Variants in BICC1 observed in about 807,000 individuals in gnomAD.
BICC1 encodes protein bicaudal C homolog 1.
A neutral mutation model predicts 111.0 loss-of-function variants in BICC1; 43 were observed. The observed-to-expected ratio is 0.39, with a 90% confidence interval of 0.30 to 0.50. BICC1 has a LOEUF of 0.50. Among genes scored for constraint, BICC1 ranks in the 20% least tolerant of loss-of-function variants. The pLI is 0.88. For synonymous variants in BICC1, 467 were observed against 434.4 expected, an observed-to-expected ratio of 1.07 and a Z score of -0.93; for missense variants, 1,091 against 1,203.2, an observed-to-expected ratio of 0.91 and a Z score of 1.38.
chr10:58,645,229 G>T (rs2132227910), intron 2 of BICC1, among the ~76,000 whole-genome samples: 1 of 152,126 alleles, frequency 6.6e-6, no homozygotes, highest in African/African-American at 2.4e-5. Context: ...CTAACTCGGT[G>T]AAACTTTGTC....
intron 18 of BICC1, 123 bp from the exon 19 acceptor site, chr10:58,817,439 A>T: frequency 9.6e-7 from 1 of 1,037,170 alleles, no homozygotes; most frequent in Non-Finnish European, 1.5e-6. Flanking sequence ...CTGTATTTCT[A>T]CAGCTACTGC....
chr10:58,661,211 ATTTTTT>A (rs61079735), intron 2 of BICC1, among the ~76,000 whole-genome samples: 1 of 124,938 alleles, frequency 8.0e-6, no homozygotes. Flanking sequence ...TCGAGCTTGA[ATTTTTT>A]TTTTTTTTTT....
chr10:58,762,056 C>A (rs1056627785), intron 3 of BICC1, among the ~76,000 whole-genome samples: 1 of 152,050 alleles, frequency 6.6e-6, no homozygotes. Context: ...GCACCGCCCT[C>A]GCTCTCAGTG....
At chr10:58,541,590 G>T (rs1284630105) in intron 1 of BICC1, among the ~76,000 whole-genome samples, 3 of 152,008 alleles carry the variant, frequency 2.0e-5, no homozygotes, top group African/African-American at 7.3e-5. Flanking sequence ...TGTGTTCATG[G>T]TTTGGAATCC....
intron 17 of BICC1, among the ~76,000 whole-genome samples, chr10:58,808,283 A>G (rs530944450): frequency 1.8e-4 from 28 of 152,272 alleles, no homozygotes; most frequent in African/African-American, 6.7e-4. Flanking sequence ...TTCTTCCATT[A>G]TAACACAGAG....
chr10:58,536,783 A>G (rs1842836001), intron 1 of BICC1, among the ~76,000 whole-genome samples: 1 of 151,874 alleles, frequency 6.6e-6, no homozygotes, highest in East Asian at 1.9e-4. Context: ...GGAAAGATAA[A>G]CAAAACTGAT....
chr10:58,539,484 A>G (rs1229017634), intron 1 of BICC1, among the ~76,000 whole-genome samples: 1 of 151,668 alleles, frequency 6.6e-6, no homozygotes, highest in African/African-American at 2.4e-5. Flanking sequence ...TCTCCATGGT[A>G]CCGTTCATCC....
intron 2 of BICC1, among the ~76,000 whole-genome samples, chr10:58,623,782 G>A (rs757999446): frequency 1.3e-4 from 20 of 152,228 alleles, no homozygotes; most frequent in Admixed American, 7.8e-4. Context: ...GCACGCCATG[G>A]TTGTAACGCC....
At chr10:58,576,466 C>T (rs533225162) in intron 1 of BICC1, among the ~76,000 whole-genome samples, 4 of 152,278 alleles carry the variant, frequency 2.6e-5, no homozygotes, top group East Asian at 1.9e-4. Context: ...TGGGAACACA[C>T]GGTTCATGTA....
chr10:58,602,808 G>T (rs1184522552), intron 1 of BICC1, among the ~76,000 whole-genome samples: 1 of 152,160 alleles, frequency 6.6e-6, no homozygotes, highest in African/African-American at 2.4e-5. Context: ...TTTGCAGAAG[G>T]TTAAAACAGG....
chr10:58,794,100 T>C (rs1023179047), intron 9 of BICC1, among the ~76,000 whole-genome samples: 4 of 152,040 alleles, frequency 2.6e-5, no homozygotes, highest in African/African-American at 9.7e-5. Flanking sequence ...TTGTTCTTAA[T>C]TTAGAATCTG....
At chr10:58,519,591 G>T (rs1450326714) in intron 1 of BICC1, among the ~76,000 whole-genome samples, 2 of 152,110 alleles carry the variant, frequency 1.3e-5, no homozygotes, top group Admixed American at 1.3e-4. Flanking sequence ...TATATCAGTA[G>T]AATTTCTTTC....
chr10:58,620,792 T>G, intron 1 of BICC1, 63 bp from the exon 2 acceptor site: 1 of 1,517,532 alleles, frequency 6.6e-7, no homozygotes, highest in Non-Finnish European at 9.1e-7. Context: ...TATCTGATGC[T>G]CGAAAGTTTT....
rs539432618 is a variant in BICC1, at chr10:58,791,303, G to A, written c.1047+1370G>A. ...TCAAATATTCTCTACAGTTATTAATGCACATTTATACTTTGACCATACCTG... is the reference window on the plus strand; with the variant it reads ...TCAAATATTCTCTACAGTTATTAATACACATTTATACTTTGACCATACCTG... On this transcript the variant is annotated intron_variant, in intron 8 of 20. Coordinates refer to ENST00000373886, the MANE Select transcript of BICC1 (RefSeq NM_001080512.3). Among the ~76,000 whole-genome samples, 211 of 152,016 alleles carry A rather than the reference G, an allele frequency of 1.4e-3. 1 individual carries two copies. The highest frequency in any genetic ancestry group is 4.7e-3 in the African/African-American group (194 of 41,442).
At chr10:58,790,571 T>TA (rs1361793297) in intron 8 of BICC1, among the ~76,000 whole-genome samples, 1 of 152,220 alleles carries the variant, frequency 6.6e-6, no homozygotes, top group East Asian at 1.9e-4. Flanking sequence ...CTCATGCCTG[T>TA]AATCCCAGCA....
intron 7 of BICC1, 46 bp from the exon 8 acceptor site, chr10:58,789,636 A>G (rs892494530): frequency 6.2e-7 from 1 of 1,603,168 alleles, no homozygotes; most frequent in Admixed American, 1.7e-5. Context: ...CCCGTATATG[A>G]ACAGTTAATG....
At chr10:58,681,572 G>C (rs1397556050) in intron 2 of BICC1, among the ~76,000 whole-genome samples, 1 of 152,170 alleles carries the variant, frequency 6.6e-6, no homozygotes, top group Non-Finnish European at 1.5e-5. Context: ...AATTAGTTCA[G>C]CCATTGTGGA....
chr10:58,742,409 A>G (rs1245832720), intron 3 of BICC1, among the ~76,000 whole-genome samples: 3 of 150,444 alleles, frequency 2.0e-5, no homozygotes, highest in Admixed American at 6.7e-5. Flanking sequence ...CACTTCTGCC[A>G]TGAGGTCATG....
intron 1 of BICC1, among the ~76,000 whole-genome samples, chr10:58,548,459 C>A (rs973479248): frequency 6.6e-6 from 1 of 152,150 alleles, no homozygotes; most frequent in African/African-American, 2.4e-5. Context: ...TTCACCACAG[C>A]CTGCATTCCA....
Sources: allele counts gnomAD v4.1 joint callset (sites outside exome capture counted in the v4.1 genomes callset), GRCh38; gene constraint gnomAD v4.1.1; transcripts MANE v1.5; gene names NCBI Gene and HGNC (gene_info 2026-07-23, HGNC 2026-07-21).